RXRA: variants seen among roughly 807,000 people sequenced by gnomAD.
RXRA encodes the protein retinoic acid receptor RXR-alpha.
A neutral mutation model predicts 44.5 loss-of-function variants in RXRA; 5 were observed. That is an observed-to-expected ratio of 0.11 (90% CI 0.06 to 0.24). The LOEUF (loss-of-function observed/expected upper bound fraction) is 0.24, where lower values mean the gene tolerates loss of function less well. Among genes scored for constraint, RXRA ranks in the 10% least tolerant of loss-of-function variants. The pLI is 1.00. For missense variants in RXRA, 412 were observed against 646.5 expected (o/e 0.64, Z 3.93); for synonymous variants, 291 against 271.4 (o/e 1.07, Z -0.71).
chr9:134,419,750 C>T (rs1376921135), intron 5 of RXRA, among the ~76,000 whole-genome samples: 1 of 152,240 alleles, frequency 6.6e-6, no homozygotes, highest in Non-Finnish European at 1.5e-5. Context: ...TTTCCCCAGG[C>T]CACACAGGGA....
At chr9:134,352,904 AG>A (rs1830239066) in intron 1 of RXRA, among the ~76,000 whole-genome samples, 2 of 152,130 alleles carry the variant, frequency 1.3e-5, no homozygotes, top group South Asian at 4.1e-4. Flanking sequence ...CCTTGGTGTG[AG>A]GAAGTACGTC....
chr9:134,379,237 G>C (rs1830603212), intron 1 of RXRA: 1 of 945,538 alleles, frequency 1.1e-6, no homozygotes, highest in South Asian at 4.7e-5. Context: ...TGATCCCTGT[G>C]GGCTCCCTGA....
intron 1 of RXRA, among the ~76,000 whole-genome samples, chr9:134,336,536 G>A (rs1830007135): frequency 6.6e-6 from 1 of 152,172 alleles, no homozygotes; most frequent in African/African-American, 2.4e-5. Flanking sequence ...GAAGTGTGCC[G>A]CTGTGCCCCT....
At chr9:134,332,551 G>A (rs931911775) in intron 1 of RXRA, among the ~76,000 whole-genome samples, 1 of 152,056 alleles carries the variant, frequency 6.6e-6, no homozygotes, top group South Asian at 2.1e-4. Context: ...CCCAGAGGTA[G>A]GGACAGCAAG....
rs1830418812 is a variant in RXRA, at chr9:134,366,673, C to T, written c.29-34959C>T. On this transcript the variant is annotated intron_variant, in intron 1 of 9. Coordinates refer to ENST00000481739, the MANE Select transcript of RXRA (RefSeq NM_002957.6). The surrounding 1 kb of genome is among the most constrained non-coding windows in gnomAD (Gnocchi z 5.9). ...CTGGGTGGGGCTGGAGAAATCAGCT[C>T]CCGCCAGCCTGATCTTCCTGCCTCA... Among the ~76,000 whole-genome samples the T allele has an allele frequency of 1.3e-5, 2 of 152,156 alleles. No homozygotes were observed. The highest frequency in any genetic ancestry group is 2.9e-5 in the Non-Finnish European group (2 of 68,032).
rs368473148 is a variant in RXRA at position 134,339,124 on chromosome 9, C to T, written c.28+12465C>T. Among the ~76,000 whole-genome samples, 1,295 of 152,320 alleles carry T rather than the reference C, an allele frequency of 8.5e-3. 13 individuals carry two copies. The highest frequency in any genetic ancestry group is 0.029 in the African/African-American group (1,207 of 41,562). On this transcript the variant is annotated intron_variant, in intron 1 of 9. Coordinates refer to ENST00000481739, the MANE Select transcript of RXRA (RefSeq NM_002957.6). ...TGGTCACCCCCCCTGGGGTTGGCCC[C>T]GTGGGCTCAGGGCCCTGCCTCCCTG...
Position 134,365,509 on chromosome 9 carries a change from C to A in RXRA, c.29-36123C>A, listed in dbSNP as rs189782733. Among the ~76,000 whole-genome samples the A allele has an allele frequency of 2.0e-5, 3 of 152,244 alleles. No homozygotes were observed. In the East Asian group the frequency reaches 5.8e-4, roughly 29 times the overall value. ...CCAGGCCGCTGCCCCTGCCTCCTGT[C>A]TCTGGCTGTGGCCATGGCTGTGTGG... On this transcript the variant is annotated intron_variant, in intron 1 of 9. Transcript: ENST00000481739. The surrounding 1 kb of genome is among the most constrained non-coding windows in gnomAD (Gnocchi z 4.0).
intron 2 of RXRA, chr9:134,405,589 A>G (rs1483497247): frequency 6.6e-6 from 1 of 152,352 alleles, no homozygotes; most frequent in Non-Finnish European, 1.5e-5. Flanking sequence ...AAGGGACTGC[A>G]CATGGAGGGC....
In RXRA at chr9:134,400,110, A is replaced by G. The variant is rs144216474; in HGVS notation, c.29-1522A>G. Among the ~76,000 whole-genome samples, 728 of 152,278 alleles carry G rather than the reference A, an allele frequency of 4.8e-3. 10 individuals carry two copies. The highest frequency in any genetic ancestry group is 0.017 in the African/African-American group (689 of 41,544). On this transcript the variant is annotated intron_variant, in intron 1 of 9. Transcript: ENST00000481739. ...TTTGGATGGGGTCAGGAGTGGCCCG[A>G]GTTTCCACGCTGCCGAGTGGTGGTG... is the stretch of plus-strand genomic sequence containing the variant.
chr9:134,374,174 C>T (rs1209096023), intron 1 of RXRA: 1 of 152,278 alleles, frequency 6.6e-6, no homozygotes, highest in Non-Finnish European at 1.5e-5. Flanking sequence ...CGTTTAGAAC[C>T]AGCGAGGTTG....
chr9:134,335,557 G>C (rs1221242941), intron 1 of RXRA, among the ~76,000 whole-genome samples: 1 of 152,184 alleles, frequency 6.6e-6, no homozygotes, highest in Non-Finnish European at 1.5e-5. Flanking sequence ...CCTGCCCCTT[G>C]CTGGCTGGCT....
intron 6 of RXRA, chr9:134,423,534 G>A (rs1325531531): frequency 1.0e-6 from 1 of 985,140 alleles, no homozygotes. Flanking sequence ...TGGCGCCGTC[G>A]CCACCCTCCT....
intron 1 of RXRA, chr9:134,379,368 G>T: frequency 2.0e-6 from 2 of 987,524 alleles, no homozygotes; most frequent in Non-Finnish European, 2.4e-6. Flanking sequence ...AGGGGAGGCT[G>T]GCTGTCCTGT....
rs2119031198 is a variant in RXRA at position 134,343,487 on chromosome 9, G to A, written c.28+16828G>A. On this transcript the variant is annotated intron_variant, in intron 1 of 9. Transcript: ENST00000481739. The surrounding 1 kb of genome is among the most constrained non-coding windows in gnomAD (Gnocchi z 4.1). ...AAAGGAACGTGAGGAGGGCATGAGT[G>A]TTGTATCTCATGGGAAGAAGCATTT... Among the ~76,000 whole-genome samples, 1 of 152,220 alleles carries A rather than the reference G, an allele frequency of 6.6e-6. No individual in the cohort carries two copies. Among genetic ancestry groups the A allele is most frequent in the African/African-American group, 2.4e-5 (1 of 41,524 alleles).
chr9:134,350,846 G>C (rs1281864840), intron 1 of RXRA, among the ~76,000 whole-genome samples: 1 of 152,216 alleles, frequency 6.6e-6, no homozygotes, highest in Non-Finnish European at 1.5e-5. Flanking sequence ...CCTGGGGCCG[G>C]CCTGGCCTGG....
At position 134,409,539 on chromosome 9, in the gene RXRA, G is replaced by GT. The variant is rs908167769; in HGVS notation, c.610+425dup. Reference sequence around the variant, plus strand: ...TTGGAGCAGTTCCTCCTTTCCTTTTGTTTTTGTGCTCGTCTTATTAACAAA... The same window carrying GT: ...TTGGAGCAGTTCCTCCTTTCCTTTTGTTTTTTGTGCTCGTCTTATTAACAAA... On this transcript the variant is annotated intron_variant, in intron 4 of 9. Coordinates refer to ENST00000481739, the MANE Select transcript of RXRA (RefSeq NM_002957.6). 1.0e-3 allele frequency among the ~76,000 whole-genome samples: 154 copies of GT among 152,356 alleles called. 2 individuals carry two copies. Among genetic ancestry groups the GT allele is most frequent in the African/African-American group, 3.4e-3 (142 of 41,590 alleles).
intron 1 of RXRA, among the ~76,000 whole-genome samples, chr9:134,332,235 C>A (rs1554746742): frequency 6.6e-6 from 1 of 152,202 alleles, no homozygotes; most frequent in African/African-American, 2.4e-5. Context: ...GCCACCAGGG[C>A]AGCACTGTCT....
intron 6 of RXRA, chr9:134,427,215 G>T (rs1831449538): frequency 1.0e-6 from 1 of 973,814 alleles, no homozygotes; most frequent in South Asian, 4.7e-5. Flanking sequence ...AAATCTGGCT[G>T]GGCAGTGTGG....
Position 134,362,461 on chromosome 9 carries a change from A to G in RXRA, c.28+35802A>G, listed in dbSNP as rs1173035054. On this transcript the variant is annotated intron_variant, in intron 1 of 9. Coordinates refer to ENST00000481739, the MANE Select transcript of RXRA (RefSeq NM_002957.6). ...AACTGTGTTTCCAGCGGCTTGTCCA[A>G]GGTTTGGCTTCCCCAGCTCCCGCCA... Among the ~76,000 whole-genome samples, 4 of 152,132 alleles carry G rather than the reference A, an allele frequency of 2.6e-5. No homozygotes were observed. The East Asian group carries it at 7.7e-4, about 29-fold the overall frequency.
Sources: gnomAD v4.1 joint callset for allele counts (sites outside exome capture counted in the v4.1 genomes callset) on GRCh38, gnomAD v4.1.1 for gene constraint, Gnocchi (gnomAD v3.1) non-coding constraint, MANE v1.5 for transcripts, NCBI Gene and HGNC (gene_info 2026-07-23, HGNC 2026-07-21) for gene names.